EYS: variants seen among roughly 807,000 people sequenced by gnomAD.
The protein encoded by EYS is protein eyes shut homolog.
A neutral mutation model predicts 282.1 loss-of-function variants in EYS; 250 were observed. That is an observed-to-expected ratio of 0.89 (90% CI 0.80 to 0.98). EYS has a LOEUF of 0.98. Among genes scored for constraint, EYS ranks in the 50% least tolerant of loss-of-function variants. EYS has a pLI of 0.00. For synonymous variants in EYS, 1,355 were observed against 1,282.9 expected (o/e 1.06, Z -1.20); for missense variants, 4,016 against 3,709.0 (o/e 1.08, Z -2.15).
intron 34 of EYS, among the ~76,000 whole-genome samples, chr6:63,986,107 C>T (rs1767350599): frequency 6.6e-6 from 1 of 151,600 alleles, no homozygotes; most frequent in Non-Finnish European, 1.5e-5. Flanking sequence ...TGAAAGTGGG[C>T]AAAGGACATG....
At chr6:65,505,369 GT>G (rs1562227910) in intron 2 of EYS, among the ~76,000 whole-genome samples, 1 of 151,454 alleles carries the variant, frequency 6.6e-6, no homozygotes, top group Non-Finnish European at 1.5e-5. Context: ...TTTTGTATTA[GT>G]TTATTTTCTT....
At chr6:64,108,507 CTTTTTTTTTTTT>C (rs530004392) in intron 31 of EYS, among the ~76,000 whole-genome samples, 1 of 116,850 alleles carries the variant, frequency 8.6e-6, no homozygotes, top group Non-Finnish European at 1.8e-5. Flanking sequence ...TCCACTACTG[CTTTTTTTTTTTT>C]TTTTTTTTGA....
chr6:63,885,531 T>G (rs937821806), intron 35 of EYS, among the ~76,000 whole-genome samples: 1 of 152,198 alleles, frequency 6.6e-6, no homozygotes, highest in African/African-American at 2.4e-5. Context: ...TTCTGATGTG[T>G]TAGGCACAGG....
chr6:64,176,256 C>G (rs915310075), intron 31 of EYS, among the ~76,000 whole-genome samples: 1 of 151,890 alleles, frequency 6.6e-6, no homozygotes, highest in East Asian at 1.9e-4. Context: ...AAAGGAGAAC[C>G]CCAGCAGGGC....
At chr6:65,354,919 T>C (rs1445982623) in intron 8 of EYS, among the ~76,000 whole-genome samples, 2 of 152,172 alleles carry the variant, frequency 1.3e-5, no homozygotes, top group Non-Finnish European at 1.5e-5. Flanking sequence ...TTTTATGATA[T>C]ATTTCCAAGT....
chr6:65,028,217 C>T (rs1772481595), intron 13 of EYS, among the ~76,000 whole-genome samples: 1 of 151,878 alleles, frequency 6.6e-6, no homozygotes, highest in South Asian at 2.1e-4. Flanking sequence ...CAAGAAACTC[C>T]AATGCTTTAC....
chr6:64,713,129 A>G (rs1235226828), intron 22 of EYS: 7 of 152,236 alleles, frequency 4.6e-5, no homozygotes, highest in African/African-American at 1.7e-4. Context: ...AAGTAACTTT[A>G]TGTCCTAAAA....
At chr6:65,061,812 C>T (rs1169698003) in intron 12 of EYS, among the ~76,000 whole-genome samples, 1 of 151,898 alleles carries the variant, frequency 6.6e-6, no homozygotes, top group African/African-American at 2.4e-5. Context: ...TAGGAACCAT[C>T]ATGTAGGAAT....
intron 22 of EYS, among the ~76,000 whole-genome samples, chr6:64,802,203 T>A (rs1300987245): frequency 1.3e-5 from 2 of 151,472 alleles, no homozygotes; most frequent in Non-Finnish European, 2.9e-5. Flanking sequence ...CCGGCTAATA[T>A]TTTTTATTTT....
chr6:65,152,365 G>A (rs911820637), intron 12 of EYS, among the ~76,000 whole-genome samples: 3 of 151,862 alleles, frequency 2.0e-5, no homozygotes, highest in African/African-American at 4.8e-5. Context: ...ACCTCAAAAT[G>A]TGACTTTATT....
chr6:64,168,829 T>C (rs181830844), intron 31 of EYS, among the ~76,000 whole-genome samples: 112 of 152,316 alleles, frequency 7.4e-4, no homozygotes, highest in Middle Eastern at 3.4e-3. Flanking sequence ...GTGGTGATAT[T>C]TGCACAAGGC....
chr6:63,812,697 G>A (rs1315080121), intron 36 of EYS, among the ~76,000 whole-genome samples: 1 of 151,934 alleles, frequency 6.6e-6, no homozygotes, highest in Non-Finnish European at 1.5e-5. Context: ...TGCCATTACT[G>A]TTTATCTAGT....
At chr6:64,084,830 T>C (rs1021530939) in intron 31 of EYS, among the ~76,000 whole-genome samples, 2 of 152,170 alleles carry the variant, frequency 1.3e-5, no homozygotes, top group African/African-American at 4.8e-5. Flanking sequence ...AGAAGAGTGT[T>C]AAGGCCATCT....
At chr6:64,621,806 A>G (rs1767454158) in intron 23 of EYS, among the ~76,000 whole-genome samples, 2 of 152,216 alleles carry the variant, frequency 1.3e-5, no homozygotes, top group Non-Finnish European at 2.9e-5. Context: ...TATAAAAAGT[A>G]TCTGGGCACA....
intron 12 of EYS, among the ~76,000 whole-genome samples, chr6:65,097,525 A>G (rs1038704096): frequency 6.6e-6 from 1 of 150,916 alleles, no homozygotes; most frequent in African/African-American, 2.4e-5. Context: ...TGAAATCAGG[A>G]CTCGATGAAA....
At chr6:65,445,126 T>TTTGA in intron 5 of EYS, among the ~76,000 whole-genome samples, 1 of 151,946 alleles carries the variant, frequency 6.6e-6, no homozygotes, top group Non-Finnish European at 1.5e-5. Flanking sequence ...CTTGGATAGT[T>TTTGA]TTGATTGTTA....
intron 2 of EYS, among the ~76,000 whole-genome samples, chr6:65,624,664 G>A (rs1267124717): frequency 1.3e-5 from 2 of 152,160 alleles, no homozygotes; most frequent in Non-Finnish European, 2.9e-5. Context: ...AAGCAGGCAG[G>A]AGAAGGTGGA....
chr6:65,040,079 C>A (rs541659369), intron 13 of EYS, among the ~76,000 whole-genome samples: 1 of 151,694 alleles, frequency 6.6e-6, no homozygotes, highest in South Asian at 2.1e-4. Context: ...CCATTAATGA[C>A]ACTTTTATCA....
chr6:64,964,091 A>G (rs1770016996), intron 14 of EYS, among the ~76,000 whole-genome samples: 1 of 151,996 alleles, frequency 6.6e-6, no homozygotes, highest in African/African-American at 2.4e-5. Context: ...TTTTATGATT[A>G]TCACTATTAC....
Sources: allele counts gnomAD v4.1 joint callset (sites outside exome capture counted in the v4.1 genomes callset), GRCh38; gene constraint gnomAD v4.1.1; transcripts MANE v1.5; gene names NCBI Gene and HGNC (gene_info 2026-07-23, HGNC 2026-07-21).